The following AGFG1 variants were observed in gnomAD, a reference collection of about 807,000 sequenced individuals.
AGFG1 encodes the protein arf-GAP domain and FG repeat-containing protein 1.
AGFG1 carries 10 observed loss-of-function variants against 60.6 expected under a neutral mutation model. That is an observed-to-expected ratio of 0.16 (90% confidence interval 0.10 to 0.28). The LOEUF (loss-of-function observed/expected upper bound fraction) is 0.28, where lower values mean the gene tolerates loss of function less well. Ranked by LOEUF, AGFG1 falls within the 10% of genes least tolerant of loss-of-function variation. AGFG1 has a pLI of 1.00. For missense variants in AGFG1, 537 were observed against 676.5 expected (o/e 0.79, Z 2.29); for synonymous variants, 247 against 242.9 (o/e 1.02, Z -0.16).
chr2:227,543,997 C>A (rs959530172), intron 10 of AGFG1, among the ~76,000 whole-genome samples: 9 of 152,134 alleles, frequency 5.9e-5, no homozygotes, highest in African/African-American at 2.2e-4. Context: ...AGGATTGCAA[C>A]CTCTGCTTTT....
Position 227,484,410 on chromosome 2 carries a change from C to T in AGFG1, c.168-7137C>T, listed in dbSNP as rs191995768. Among the ~76,000 whole-genome samples the T allele has an allele frequency of 3.4e-3, 511 of 152,164 alleles. 4 individuals are homozygous for T. Among genetic ancestry groups the T allele is most frequent in the Non-Finnish European group, 5.5e-3 (373 of 67,998 alleles). The stretch of plus-strand genomic sequence containing the variant: ...CCATGTTGGCCAGGCTGCTCTCGAA[C>T]TCCTGATCACAAGTGATCCACCCGC... On this transcript the variant is annotated intron_variant, in intron 1 of 12. Coordinates refer to ENST00000310078, the MANE Select transcript of AGFG1 (RefSeq NM_004504.5).
At chr2:227,478,251 AATAC>A (rs71036197) in intron 1 of AGFG1, among the ~76,000 whole-genome samples, 10,591 of 150,376 alleles carry the variant, frequency 0.07, 481 homozygotes, top group Admixed American at 0.11. Flanking sequence ...AAAAAAAAAA[AATAC>A]ATACATGCAC....
chr2:227,537,996 T>A (rs1692365027), intron 10 of AGFG1, among the ~76,000 whole-genome samples: 1 of 152,204 alleles, frequency 6.6e-6, no homozygotes, highest in South Asian at 2.1e-4. Flanking sequence ...AGTAGCATAA[T>A]AGATGTTTGA....
intron 1 of AGFG1, among the ~76,000 whole-genome samples, chr2:227,481,770 C>T (rs1273729486): frequency 6.6e-6 from 1 of 151,988 alleles, no homozygotes; most frequent in African/African-American, 2.4e-5. Flanking sequence ...TCATGGTAAC[C>T]CTCTGTCTCT....
rs962881123 is a variant in AGFG1, at chr2:227,517,265, AATAT to A, written c.262-2675_262-2672del. Among the ~76,000 whole-genome samples, 96 of 152,164 alleles carry A rather than the reference AATAT, an allele frequency of 6.3e-4. 1 individual carries two copies. The highest frequency in any genetic ancestry group is 3.7e-3 in the East Asian group (19 of 5,170). On this transcript the variant is annotated intron_variant, in intron 2 of 12. Coordinates refer to ENST00000310078, the MANE Select transcript of AGFG1 (RefSeq NM_004504.5). ...CCTGGAATAGGAAGGAACCACAAGAAATATATATATAGACAGACAGACACGGAGT... is the reference window on the plus strand; with the variant it reads ...CCTGGAATAGGAAGGAACCACAAGAAATATATAGACAGACAGACACGGAGT...
At chr2:227,552,924 C>T (rs1692862827) in intron 11 of AGFG1, among the ~76,000 whole-genome samples, 1 of 149,116 alleles carries the variant, frequency 6.7e-6, no homozygotes, top group Admixed American at 6.7e-5. Flanking sequence ...ATTGCTTGAA[C>T]CCGGGAGGCG....
chr2:227,552,489 A>G (rs1418036278), intron 11 of AGFG1, among the ~76,000 whole-genome samples: 1 of 152,066 alleles, frequency 6.6e-6, no homozygotes, highest in African/African-American at 2.4e-5. Flanking sequence ...AGAAATGTGT[A>G]CCTTTTTGTG....
intron 2 of AGFG1, 21 bp from the exon 3 acceptor site, chr2:227,519,927 T>C (rs552566009): frequency 2.8e-6 from 4 of 1,427,066 alleles, no homozygotes; most frequent in South Asian, 1.2e-5. Context: ...TTAACATATA[T>C]TTTTTTAATT....
intron 1 of AGFG1, among the ~76,000 whole-genome samples, chr2:227,486,108 G>A (rs1434132030): frequency 2.0e-5 from 3 of 151,534 alleles, no homozygotes; most frequent in African/African-American, 7.3e-5. Flanking sequence ...AGGGTCTTAG[G>A]TTTAACTTAA....
intron 1 of AGFG1, among the ~76,000 whole-genome samples, chr2:227,485,226 G>A (rs1203432260): frequency 6.9e-6 from 1 of 144,850 alleles, no homozygotes; most frequent in Non-Finnish European, 1.5e-5. Flanking sequence ...TGTCTTTGAA[G>A]TTTCACCGAA....
chr2:227,514,469 T>C (rs1406833715), intron 2 of AGFG1, among the ~76,000 whole-genome samples: 4 of 152,066 alleles, frequency 2.6e-5, no homozygotes, highest in Admixed American at 6.6e-5. Context: ...GCTGGGATTA[T>C]AGACGTGAGC....
intron 12 of AGFG1, 43 bp from the exon 13 acceptor site, chr2:227,554,393 C>T: frequency 6.6e-7 from 1 of 1,504,762 alleles, no homozygotes; most frequent in Non-Finnish European, 9.1e-7. Context: ...TGTACATGCA[C>T]TACTTTTGTC....
chr2:227,513,364 C>T (rs796295542), intron 2 of AGFG1, among the ~76,000 whole-genome samples: 50 of 152,278 alleles, frequency 3.3e-4, no homozygotes, highest in African/African-American at 1.2e-3. Flanking sequence ...CTTGTCCCTG[C>T]TTTCTAGTTG....
At chr2:227,532,780 A>G (rs1308339058) in intron 6 of AGFG1, among the ~76,000 whole-genome samples, 1 of 152,186 alleles carries the variant, frequency 6.6e-6, no homozygotes. Context: ...ATAGAATGAA[A>G]TATACTGGTT....
intron 10 of AGFG1, among the ~76,000 whole-genome samples, chr2:227,544,575 A>G (rs1305721239): frequency 6.6e-6 from 1 of 152,138 alleles, no homozygotes; most frequent in Non-Finnish European, 1.5e-5. Flanking sequence ...ACAGTTTGGC[A>G]TGTTTTTGCA....
chr2:227,489,358 G>A (rs1265299014), intron 1 of AGFG1, among the ~76,000 whole-genome samples: 1 of 147,112 alleles, frequency 6.8e-6, no homozygotes, highest in Non-Finnish European at 1.5e-5. Flanking sequence ...AGCCTCCTAA[G>A]TAGCTGGCAA....
rs554715442 is a variant in AGFG1 at position 227,552,163 on chromosome 2, T to C, written c.1537+46T>C. On this transcript the variant is annotated intron_variant, in intron 11 of 12. Coordinates refer to ENST00000310078, the MANE Select transcript of AGFG1 (RefSeq NM_004504.5). The stretch of plus-strand genomic sequence containing the variant: ...AGCTGTAAGTTCATTTTATGTATCC[T>C]TTTTATATCATAATGTTGTGTGCTT... The C allele has an allele frequency of 3.1e-6, 5 of 1,604,882 alleles. No homozygotes were observed. The East Asian group carries it at 1.1e-4, about 36-fold the overall frequency.
chr2:227,548,178 G>A (rs1188179990), intron 10 of AGFG1, among the ~76,000 whole-genome samples: 1 of 110,384 alleles, frequency 9.1e-6, no homozygotes, highest in Admixed American at 9.9e-5. Flanking sequence ...TAGGGTTTTA[G>A]TAGTGGTGGG....
At chr2:227,478,475 C>G (rs1559163951) in intron 1 of AGFG1, among the ~76,000 whole-genome samples, 2 of 152,102 alleles carry the variant, frequency 1.3e-5, no homozygotes, top group East Asian at 3.9e-4. Context: ...TCCCAGGTAC[C>G]TGGGACTACA....
Sources: gnomAD v4.1 joint callset for allele counts (sites outside exome capture counted in the v4.1 genomes callset) on GRCh38, gnomAD v4.1.1 for gene constraint, MANE v1.5 for transcripts, NCBI Gene and HGNC (gene_info 2026-07-23, HGNC 2026-07-21) for gene names.